EGFL6: variants seen among roughly 807,000 people sequenced by gnomAD.
EGFL6 encodes EGF like domain multiple 6.
Under a neutral mutation model 43.1 loss-of-function variants are expected in EGFL6, and 42 were observed. The observed-to-expected ratio is 0.98, with a 90% CI of 0.76 to 1.26. EGFL6 has a LOEUF of 1.26. EGFL6 is among the 50% of genes most tolerant of loss of function. The probability of loss-of-function intolerance (pLI) is 0.00; values close to 1 mark genes in which losing one functional copy is unlikely to be tolerated. For missense variants in EGFL6, 429 were observed against 427.8 expected, an observed-to-expected ratio of 1.00 and a Z score of -0.02; for synonymous variants, 164 against 163.2, an observed-to-expected ratio of 1.01 and a Z score of -0.04.
chrX:13,575,870 T>A (rs2146960524), intron 1 of EGFL6, among the ~76,000 whole-genome samples: 1 of 112,275 alleles, frequency 8.9e-6, no homozygotes, highest in East Asian at 2.8e-4. Context: ...AAAACTCAAA[T>A]AACCTTGGCT....
chrX:13,605,466 C>A (rs1457013334), intron 5 of EGFL6, among the ~76,000 whole-genome samples: 1 of 108,200 alleles, frequency 9.2e-6, no homozygotes, highest in Non-Finnish European at 1.9e-5. Flanking sequence ...GTAGTCCCAG[C>A]TACTCAGGAG....
chrX:13,620,177 C>T (rs1251311529), intron 9 of EGFL6, among the ~76,000 whole-genome samples: 1 of 111,208 alleles, frequency 9.0e-6, no homozygotes, highest in Non-Finnish European at 1.9e-5. Context: ...TAGGCATGAT[C>T]CCTAATTCCT....
intron 11 of EGFL6, among the ~76,000 whole-genome samples, chrX:13,632,578 A>G (rs1316428693): frequency 9.0e-6 from 1 of 110,573 alleles, no homozygotes; most frequent in Non-Finnish European, 1.9e-5. Context: ...TGCTGGGATT[A>G]CAGGTGTGAG....
At chrX:13,570,556 C>G (rs1173315709) in intron 1 of EGFL6, among the ~76,000 whole-genome samples, 1 of 111,753 alleles carries the variant, frequency 8.9e-6, no homozygotes, top group Non-Finnish European at 1.9e-5. Flanking sequence ...GACTCTGAAG[C>G]CGTTCCCTAC....
intron 4 of EGFL6, among the ~76,000 whole-genome samples, chrX:13,602,719 C>G (rs758243054): frequency 8.9e-6 from 1 of 112,352 alleles, no homozygotes; most frequent in East Asian, 2.8e-4. Flanking sequence ...TTTGGCCACA[C>G]TGCATCATAT....
At chrX:13,612,167 T>C (rs1394434900) in intron 7 of EGFL6, among the ~76,000 whole-genome samples, 1 of 111,281 alleles carries the variant, frequency 9.0e-6, no homozygotes, top group Non-Finnish European at 1.9e-5. Context: ...CAAAGGTCTC[T>C]GGTTTTCCTA....
At chrX:13,597,235 T>C (rs2045603071) in intron 3 of EGFL6, among the ~76,000 whole-genome samples, 1 of 112,209 alleles carries the variant, frequency 8.9e-6, no homozygotes, top group Admixed American at 9.4e-5. Flanking sequence ...CAAAGAGCAG[T>C]AAATCCAATT....
In EGFL6 at chrX:13,619,226, C is replaced by T. The variant is rs761849411; in HGVS notation, c.1166C>T (p.Ser389Phe). The T allele has an allele frequency of 8.3e-7, 1 of 1,209,154 alleles. No individual in the cohort carries two copies. Among genetic ancestry groups the T allele is most frequent in the South Asian group, 1.8e-5 (1 of 56,893 alleles). ...LILVQRKALTSKLEHKDLNIS... is the reference protein window; with the variant it reads ...LILVQRKALTFKLEHKDLNIS... ...CTGGTCCAAAGGAAAGCGCTAACTT[C>T]CAAACTGGAACATAAAGGTAAATAA... is the stretch of plus-strand genomic sequence containing the variant. Residue 389 changes from serine (S) to phenylalanine (F), a missense_variant, in exon 9 of 12, where the codon TCC becomes TTC. Transcript: ENST00000361306.
Position 13,569,614 on chromosome X carries a change from AGCTTC to A in EGFL6, c.-247_-243del. The stretch of plus-strand genomic sequence containing the variant: ...CCGCCCTCCCTCGCTCACCCCGTCC[AGCTTC>A]ATCCGCAGAGGAGCCTCGGCCAGGC... On this transcript the variant is annotated 5_prime_UTR_variant, in exon 1 of 12. Coordinates refer to ENST00000361306, the MANE Select transcript of EGFL6 (RefSeq NM_015507.4). 3.7e-6 allele frequency: 1 copy of A among 270,563 alleles called. No homozygotes were observed. The allele number at this position is 270,563 out of a possible 1,213,427, so 22.3% of individuals were successfully genotyped here. A position where few individuals can be genotyped will look rare whatever the true frequency, so the allele number is the denominator to read the frequency against.
At chrX:13,591,756 C>A (rs189248925) in intron 2 of EGFL6, among the ~76,000 whole-genome samples, 69 of 111,188 alleles carry the variant, frequency 6.2e-4, no homozygotes, top group African/African-American at 2.1e-3. Flanking sequence ...CCTTTTGAAG[C>A]CCTGCCTCTA....
At chrX:13,605,578 CAAAAAAAAA>C (rs61513005) in intron 5 of EGFL6, among the ~76,000 whole-genome samples, 9 of 60,380 alleles carry the variant, frequency 1.5e-4, no homozygotes, top group East Asian at 5.1e-4. Flanking sequence ...GGCCTTGTCT[CAAAAAAAAA>C]AAAAAAAAAA....
In EGFL6 at chrX:13,627,150, C is replaced by G. The variant is rs200962676; in HGVS notation, c.1425C>G (p.Val475=). 1 of 1,210,484 alleles carries G rather than the reference C, an allele frequency of 8.3e-7. No individual in the cohort carries two copies. Among genetic ancestry groups the G allele is most frequent in the African/African-American group, 1.7e-5 (1 of 57,376 alleles). ...ATTACCGGCTGGCCGGAGACAAAGT[C>G]GGGAAACTTCGAGTGTTTGTGAAAA... ...LFDYRLAGDK[V]GKLRVFVKNS... is the part of the protein sequence containing the mutation. Residue 475 remains valine, a synonymous_variant, in exon 11 of 12, where the codon GTC becomes GTG. Coordinates refer to ENST00000361306, the MANE Select transcript of EGFL6 (RefSeq NM_015507.4).
At chrX:13,616,265 C>T (rs1465277764) in intron 7 of EGFL6, among the ~76,000 whole-genome samples, 8 of 111,665 alleles carry the variant, frequency 7.2e-5, no homozygotes, top group Non-Finnish European at 3.8e-5. Context: ...AGAAAAGTAA[C>T]CTTAATCTTA....
rs755559986 is a variant in EGFL6, at chrX:13,594,841, T to G, written c.193T>G (p.Cys65Gly). 3 of 1,209,272 alleles carry G rather than the reference T, an allele frequency of 2.5e-6. No individual in the cohort carries two copies. The highest frequency in any genetic ancestry group is 3.4e-6 in the Non-Finnish European group (3 of 893,841). Residue 65 changes from cysteine to glycine, a missense_variant, in exon 3 of 12, where the codon TGC becomes GGC. By Grantham distance (159) the Cys-to-Gly change is radical (BLOSUM62 -3). Transcript: ENST00000361306. ...GACATCTTTTCCTTCCACAGCTACA[T>G]GCGAACCTGGATGTAAGTTTGGTGA... ...RNSKGVCEAT[C>G]EPGCKFGECV...
rs770219780 is a variant in EGFL6, at chrX:13,606,528, C to T, written c.655+15C>T. 5 of 1,205,466 alleles carry T rather than the reference C, an allele frequency of 4.1e-6. 1 individual carries two copies. Among genetic ancestry groups the T allele is most frequent in the Middle Eastern group, 4.6e-4 (2 of 4,315 alleles). On this transcript the variant is annotated intron_variant, in intron 6 of 11. Transcript: ENST00000361306. ...TGACTGTATAGGTAAGATTCGATGG[C>T]ACCTTTTCCTTTTTTTCCTGTCCCC...
chrX:13,617,864 A>G lies in EGFL6; in HGVS notation c.913A>G (p.Arg305Gly), dbSNP rs747785077. 45 of 1,209,605 alleles carry G rather than the reference A, an allele frequency of 3.7e-5. No homozygotes were observed. The highest frequency in any genetic ancestry group is 4.7e-5 in the Non-Finnish European group (42 of 895,200). The change falls in exon 8 of 12, where the codon AGG becomes GGG. Residue 305 changes from arginine (R) to glycine (G), a missense_variant. Transcript: ENST00000361306. ...KIKNVTPEPT[R>G]TPTPKVNLQP... The stretch of plus-strand genomic sequence containing the variant: ...TAAAAATGTTACCCCAGAACCCACC[A>G]GGACTCCTACCCCTAAGGTGAACTT...
At chrX:13,583,231 G>C (rs1233525573) in intron 1 of EGFL6, among the ~76,000 whole-genome samples, 3 of 110,681 alleles carry the variant, frequency 2.7e-5, no homozygotes, top group African/African-American at 9.9e-5. Flanking sequence ...TAATGGTGCT[G>C]TCCTTGGCAC....
intron 1 of EGFL6, among the ~76,000 whole-genome samples, chrX:13,574,555 T>C (rs927649680): frequency 1.3e-4 from 15 of 111,322 alleles, no homozygotes; most frequent in African/African-American, 4.3e-4. Flanking sequence ...AGATAGGGTC[T>C]TTAAAGGAGC....
At chrX:13,614,102 A>G (rs190571633) in intron 7 of EGFL6, among the ~76,000 whole-genome samples, 19 of 112,316 alleles carry the variant, frequency 1.7e-4, no homozygotes, top group African/African-American at 4.5e-4. Context: ...TCTTATCCCA[A>G]TTTTATAAAT....
Sources: gnomAD v4.1 joint callset for allele counts (sites outside exome capture counted in the v4.1 genomes callset) on GRCh38, gnomAD v4.1.1 for gene constraint, MANE v1.5 for transcripts, NCBI Gene and HGNC (gene_info 2026-07-23, HGNC 2026-07-21) for gene names.